Variants in UBN1 observed in about 807,000 individuals in gnomAD.
UBN1 encodes ubinuclein 1.
UBN1 carries 17 observed loss-of-function variants against 108.5 expected under a neutral mutation model. That is an observed-to-expected ratio of 0.16 (90% CI 0.11 to 0.24). The LOEUF (loss-of-function observed/expected upper bound fraction) is 0.24. Ranked by LOEUF, UBN1 falls within the 10% of genes least tolerant of loss-of-function variation. UBN1 has a pLI of 1.00. For synonymous variants in UBN1, 726 were observed against 564.2 expected, an observed-to-expected ratio of 1.29 and a Z score of -4.07; for missense variants, 1,595 against 1,394.4, an observed-to-expected ratio of 1.14 and a Z score of -2.29.
At chr16:4,851,067 A>C (rs555422859) in intron 1 of UBN1, among the ~76,000 whole-genome samples, 1 of 152,360 alleles carries the variant, frequency 6.6e-6, no homozygotes, top group East Asian at 1.9e-4. Context: ...GTTGCTTTGC[A>C]ATATATGCCA....
intron 1 of UBN1, among the ~76,000 whole-genome samples, chr16:4,851,174 G>A (rs577366521): frequency 6.6e-6 from 1 of 152,234 alleles, no homozygotes; most frequent in East Asian, 1.9e-4. Flanking sequence ...AATTCATCTG[G>A]GGTTAATGAA....
intron 7 of UBN1, among the ~76,000 whole-genome samples, chr16:4,866,734 A>G (rs955900529): frequency 9.9e-5 from 15 of 151,752 alleles, no homozygotes; most frequent in African/African-American, 3.1e-4. Flanking sequence ...CTGGTCTGAA[A>G]CTCCTGAGCT....
chr16:4,853,821 C>T (rs2086668738), intron 2 of UBN1, among the ~76,000 whole-genome samples: 1 of 152,078 alleles, frequency 6.6e-6, no homozygotes, highest in African/African-American at 2.4e-5. Context: ...CTTGGCTTCC[C>T]AAAGTGCTGG....
intron 1 of UBN1, among the ~76,000 whole-genome samples, chr16:4,850,554 G>A (rs2086510495): frequency 6.6e-6 from 1 of 152,158 alleles, no homozygotes; most frequent in Admixed American, 6.5e-5. Context: ...TGAGGGCCTT[G>A]GAGATTTCTT....
chr16:4,872,426 C>G (rs1453280655), intron 12 of UBN1: 2 of 886,998 alleles, frequency 2.3e-6, no homozygotes, highest in Non-Finnish European at 2.7e-6. Context: ...AATTTGGCTC[C>G]CCAATCCATT....
rs2087953131 is a variant in UBN1, at chr16:4,877,744, T to G, written c.3355+270T>G. The G allele has an allele frequency of 3.4e-6, 4 of 1,187,802 alleles. No individual in the cohort carries two copies. The highest frequency in any genetic ancestry group is 4.2e-5 in the South Asian group (1 of 23,880). The allele number at this position is 1,187,802 out of a possible 1,614,324, so 73.6% of individuals were successfully genotyped here. A position where few individuals can be genotyped will look rare whatever the true frequency, so the allele number is the denominator to read the frequency against. ...GTTGCGGGGGGCAGGGTGGTGCGCT[T>G]TTGTGTGCGGTGGAGGAGTTCCTAA... On this transcript the variant is annotated intron_variant, in intron 17 of 17. Coordinates refer to ENST00000262376, the MANE Select transcript of UBN1 (RefSeq NM_001079514.3). The surrounding 1 kb of genome is among the most constrained non-coding windows in gnomAD (Gnocchi z 4.3).
intron 2 of UBN1, 21 bp downstream of exon 2, chr16:4,853,187 A>T: frequency 1.9e-6 from 3 of 1,612,654 alleles, no homozygotes; most frequent in Non-Finnish European, 2.5e-6. Flanking sequence ...TTGTTCCCAG[A>T]GGCGCTGCAG....
Position 4,876,889 on chromosome 16 carries a change from G to C in UBN1, c.3043G>C (p.Val1015Leu), listed in dbSNP as rs201047345. ...TSLSKGASGT[V>L]LLAGSSLMAS... ...TCCCTAGAAAGGAGCGAGTGGGACT[G>C]TGCTGCTGGCCGGCTCCTCTTTGAT... Residue 1015 changes from valine to leucine, a missense_variant, in exon 16 of 18, where the codon GTG becomes CTG. Around this residue, in one of 3 missense-constraint regions of UBN1, gnomAD observed 1,398 missense variants for 1,194.7 expected, o/e 1.17. Transcript: ENST00000262376. The C allele has an allele frequency of 4.1e-5, 66 of 1,609,584 alleles. No homozygotes were observed. The East Asian group carries it at 1.2e-3, about 29-fold the overall frequency.
chr16:4,865,694 G>A (rs1025668613), intron 7 of UBN1, among the ~76,000 whole-genome samples: 1 of 103,980 alleles, frequency 9.6e-6, no homozygotes, highest in African/African-American at 4.7e-5. Context: ...GGGCATGGTG[G>A]CTCAGCCTGT....
chr16:4,856,207 T>C (rs1356769867), intron 2 of UBN1, among the ~76,000 whole-genome samples: 1 of 152,240 alleles, frequency 6.6e-6, no homozygotes, highest in Admixed American at 6.5e-5. Context: ...TCCAGTGCTC[T>C]GATGTCACCT....
At chr16:4,859,798 T>C (rs1266167768) in intron 5 of UBN1, 67 bp from the exon 6 acceptor site, 1 of 1,603,892 alleles carries the variant, frequency 6.2e-7, no homozygotes, top group African/African-American at 1.3e-5. Context: ...GCAAGGCCAG[T>C]GCCGTGTAGT....
In UBN1 at chr16:4,877,814, G is replaced by A. The variant is rs929148338; in HGVS notation, c.3355+340G>A. 3.5e-5 allele frequency: 25 copies of A among 721,262 alleles called. No individual in the cohort carries two copies. The Admixed American group carries it at 4.6e-4, about 13-fold the overall frequency. The allele number at this position is 721,262 out of a possible 1,614,324, so 44.7% of individuals were successfully genotyped here. ...TCTTCAGTTTAAAAAAAAAAAAAAAGGGAAGGTAATGGTGCATCTTCTCCA... is the reference window on the plus strand; with the variant it reads ...TCTTCAGTTTAAAAAAAAAAAAAAAAGGAAGGTAATGGTGCATCTTCTCCA... On this transcript the variant is annotated intron_variant, in intron 17 of 17. Transcript: ENST00000262376. The surrounding 1 kb of genome is among the most constrained non-coding windows in gnomAD (Gnocchi z 4.3).
Position 4,874,612 on chromosome 16 carries a change from A to G in UBN1, c.2202A>G (p.Ser734=). The G allele has an allele frequency of 6.2e-7, 1 of 1,614,026 alleles. No individual in the cohort carries two copies. ...SAPPPASSLQ[S]PLNFLAEQAL... Reference sequence around the variant, plus strand: ...CACCACCAGCTAGCTCTCTGCAGTCACCCCTCAATTTTCTGGCAGAACAGG... The same window carrying G: ...CACCACCAGCTAGCTCTCTGCAGTCGCCCCTCAATTTTCTGGCAGAACAGG... The change falls in exon 15 of 18, where the codon TCA becomes TCG. Residue 734 remains serine (S), a synonymous_variant. Transcript: ENST00000262376.
rs1166542941 is a variant in UBN1, at chr16:4,860,676, C to G, written c.684C>G (p.Leu228=). ...CTCTTGCTTGCAGCTTCACAGCCCT[C>G]AATGCCAGTAAGGAGAAGAAGAAGA... The part of the protein sequence containing the change: ...SKFSKAGFTA[L]NASKEKKKKK... Residue 228 remains leucine, a synonymous_variant, in exon 7 of 18, where the codon CTC becomes CTG. Coordinates refer to ENST00000262376, the MANE Select transcript of UBN1 (RefSeq NM_001079514.3). The G allele has an allele frequency of 1.9e-6, 3 of 1,611,608 alleles. No homozygotes were observed. Among genetic ancestry groups the G allele is most frequent in the African/African-American group, 2.7e-5 (2 of 74,690 alleles).
intron 1 of UBN1, among the ~76,000 whole-genome samples, chr16:4,851,874 A>G (rs974372591): frequency 6.6e-6 from 1 of 152,182 alleles, no homozygotes; most frequent in Non-Finnish European, 1.5e-5. Flanking sequence ...ACTCTAAGCA[A>G]CACTAAACAG....
chr16:4,878,855 G>GAA (rs1373551960), intron 17 of UBN1, among the ~76,000 whole-genome samples: 1 of 152,020 alleles, frequency 6.6e-6, no homozygotes, highest in Admixed American at 6.6e-5. Flanking sequence ...TACATTTAAA[G>GAA]AAAAAAATTA....
At chr16:4,853,674 C>G (rs1265374862) in intron 2 of UBN1, among the ~76,000 whole-genome samples, 2 of 151,898 alleles carry the variant, frequency 1.3e-5, no homozygotes, top group Non-Finnish European at 2.9e-5. Context: ...TCTCCTGCCT[C>G]AACCTCCCGA....
rs1328493848 is a variant in UBN1, at chr16:4,853,036, C to T, written c.119C>T (p.Pro40Leu). Residue 40 changes from proline (P) to leucine (L), a missense_variant, in exon 2 of 18, where the codon CCG becomes CTG. Physicochemically the swap from Pro to Leu is moderately conservative, Grantham distance 98 (BLOSUM62 -3). Transcript: ENST00000262376. ...GAGEQHQDCE[P>L]AAAAVRITLT... ...GGAGAACAGCATCAGGACTGTGAGC[C>T]GGCTGCAGCAGCTGTTCGGATTACA... The T allele has an allele frequency of 8.1e-6, 13 of 1,614,140 alleles. No individual in the cohort carries two copies. The highest frequency in any genetic ancestry group is 3.3e-5 in the South Asian group (3 of 91,086).
chr16:4,871,381 C>T, intron 12 of UBN1, 80 bp downstream of exon 12: 2 of 1,542,450 alleles, frequency 1.3e-6, no homozygotes, highest in Non-Finnish European at 1.7e-6. Context: ...CCAACAGGAT[C>T]CTTGCTCACA....
Sources: gnomAD v4.1 joint callset for allele counts (sites outside exome capture counted in the v4.1 genomes callset) on GRCh38, gnomAD v4.1.1 for gene constraint, gnomAD v4.1.1 regional missense constraint, Gnocchi (gnomAD v3.1) non-coding constraint, MANE v1.5 for transcripts, NCBI Gene and HGNC (gene_info 2026-07-23, HGNC 2026-07-21) for gene names.